Variants in LRP2 observed in about 807,000 individuals in gnomAD.
The protein encoded by LRP2 is LDL receptor related protein 2.
A neutral mutation model predicts 531.0 loss-of-function variants in LRP2; 172 were observed. The observed-to-expected ratio is 0.32, with a 90% confidence interval of 0.29 to 0.37. The LOEUF (loss-of-function observed/expected upper bound fraction) is 0.37. LRP2 is among the 10% of genes least tolerant of loss of function. The probability of loss-of-function intolerance (pLI) is 1.00; values close to 1 mark genes in which losing one functional copy is unlikely to be tolerated. For missense variants in LRP2, 5,167 were observed against 5,868.3 expected, an observed-to-expected ratio of 0.88 and a Z score of 3.90; for synonymous variants, 1,992 against 2,027.6, an observed-to-expected ratio of 0.98 and a Z score of 0.47.
rs777051223 is a variant in LRP2 at position 169,176,435 on chromosome 2, T to G, written c.10547A>C (p.Gln3516Pro). 5 of 1,614,062 alleles carry G rather than the reference T, an allele frequency of 3.1e-6. No individual in the cohort carries two copies. The highest frequency in any genetic ancestry group is 4.2e-6 in the Non-Finnish European group (5 of 1,180,032). The change falls in exon 54 of 79, where the codon CAG becomes CCG. Residue 3516 changes from glutamine (Q) to proline (P), a missense_variant. By Grantham distance (76) the Gln-to-Pro change is moderately conservative. This residue lies in a region of LRP2 where 311 missense variants were observed against 309.4 expected (regional missense o/e 1.01). Transcript: ENST00000649046. The part of the protein sequence containing the change: ...TYCMPMCSST[Q>P]FLCANNEKCI... ...CTTTTCATTGTTAGCGCACAGGAAC[T>G]GGGTGCTGGAGCACATGGGCATGCA...
chr2:169,280,527 C>G lies in LRP2; in HGVS notation c.1172-8G>C. 1 of 1,613,684 alleles carries G rather than the reference C, an allele frequency of 6.2e-7. No homozygotes were observed. On this transcript the variant is annotated splice_polypyrimidine_tract_variant and splice_region_variant and intron_variant, in intron 10 of 78. Coordinates refer to ENST00000649046, the MANE Select transcript of LRP2 (RefSeq NM_004525.3). Reference sequence around the variant, plus strand: ...TAATGGAGGCCTCGCCAACTAAATGCGAAGAAGGAAGGCATCACCACTCCT... The same window carrying G: ...TAATGGAGGCCTCGCCAACTAAATGGGAAGAAGGAAGGCATCACCACTCCT...
chr2:169,268,773 A>G (rs1005665481), intron 16 of LRP2, among the ~76,000 whole-genome samples: 1 of 152,212 alleles, frequency 6.6e-6, no homozygotes, highest in Non-Finnish European at 1.5e-5. Flanking sequence ...CAGGAGAAGG[A>G]AATAAAGGGT....
chr2:169,324,123 A>G (rs1574256978), intron 1 of LRP2, among the ~76,000 whole-genome samples: 2 of 152,220 alleles, frequency 1.3e-5, no homozygotes, highest in East Asian at 3.8e-4. Context: ...TTTAATCCTC[A>G]TAATAACCCT....
At chr2:169,243,826 TATGAAGTCC>T (rs1259757499) in intron 22 of LRP2, among the ~76,000 whole-genome samples, 1 of 145,840 alleles carries the variant, frequency 6.9e-6, no homozygotes, top group Non-Finnish European at 1.5e-5. Flanking sequence ...TCATGAATAC[TATGAAGTCC>T]ATGACTCTAG....
rs1243889616 is a variant in LRP2 at position 169,162,559 on chromosome 2, TATATTC to T, written c.11794_11799del (p.Glu3932_Tyr3933del). On this transcript the variant is annotated inframe_deletion, in exon 63 of 79. Coordinates refer to ENST00000649046, the MANE Select transcript of LRP2 (RefSeq NM_004525.3). ...GGAATGCAATGCCCATTGCCACACTTATATTCATATTCTGTACAAGGTTTAGGGGTC... is the reference window on the plus strand; with the variant it reads ...GGAATGCAATGCCCATTGCCACACTTATATTCTGTACAAGGTTTAGGGGTC... The T allele has an allele frequency of 2.5e-6, 4 of 1,614,080 alleles. No individual in the cohort carries two copies. Among genetic ancestry groups the T allele is most frequent in the Non-Finnish European group, 3.4e-6 (4 of 1,180,028 alleles).
At chr2:169,221,938 TACAA>T (rs767560534) in intron 33 of LRP2, among the ~76,000 whole-genome samples, 54 of 40,608 alleles carry the variant, frequency 1.3e-3, no homozygotes, top group South Asian at 4.9e-3. Flanking sequence ...TAGGCTTCAC[TACAA>T]AATTCAGCTA....
chr2:169,285,298 A>G (rs1683825556), intron 9 of LRP2, among the ~76,000 whole-genome samples: 1 of 152,176 alleles, frequency 6.6e-6, no homozygotes, highest in South Asian at 2.1e-4. Context: ...TATCACAAAA[A>G]AACAGGATTT....
chr2:169,226,704 G>T, intron 31 of LRP2, 116 bp from the exon 32 acceptor site: 2 of 779,744 alleles, frequency 2.6e-6, no homozygotes, highest in Non-Finnish European at 4.4e-6. Context: ...TTGCAGCATT[G>T]CAGCAATAAA....
Position 169,169,711 on chromosome 2 carries a change from C to T in LRP2, c.11488G>A (p.Ala3830Thr). ...GTGTCTAGGGACTTACGACAATCAGCTTCATCAGACGCATCCAAACAGTCA... is the reference window on the plus strand; with the variant it reads ...GTGTCTAGGGACTTACGACAATCAGTTTCATCAGACGCATCCAAACAGTCA... ...SADCLDASDEADCPTRFPDGA... is the reference protein window; with the variant it reads ...SADCLDASDETDCPTRFPDGA... Residue 3830 changes from alanine to threonine, a missense_variant, in exon 60 of 79, where the codon GCT becomes ACT. Around this residue, in one of 6 missense-constraint regions of LRP2, gnomAD observed 564 missense variants for 747.7 expected, o/e 0.75. Transcript: ENST00000649046. 3.1e-6 allele frequency: 5 copies of T among 1,613,950 alleles called. No homozygotes were observed. Among genetic ancestry groups the T allele is most frequent in the Non-Finnish European group, 4.2e-6 (5 of 1,179,804 alleles).
chr2:169,344,790 A>G (rs2105565204), intron 1 of LRP2, among the ~76,000 whole-genome samples: 1 of 152,306 alleles, frequency 6.6e-6, no homozygotes, highest in East Asian at 1.9e-4. Flanking sequence ...TCACTAAATC[A>G]TTCTTTCCAA....
chr2:169,276,471 A>G (rs1289984804), intron 13 of LRP2, among the ~76,000 whole-genome samples: 1 of 152,170 alleles, frequency 6.6e-6, no homozygotes, highest in Non-Finnish European at 1.5e-5. Flanking sequence ...GCAATTTCAC[A>G]ATTATTTTAT....
Position 169,246,967 on chromosome 2 carries a change from T to A in LRP2, c.2928A>T (p.Gln976His), listed in dbSNP as rs1442636296. The A allele has an allele frequency of 6.2e-7, 1 of 1,614,024 alleles. No homozygotes were observed. Among genetic ancestry groups the A allele is most frequent in the African/African-American group, 1.3e-5 (1 of 74,904 alleles). ...NIQTGSNACNQPTHPNGDCSH... is the reference protein window; with the variant it reads ...NIQTGSNACNHPTHPNGDCSH... ...TGCAGTCACCGTTAGGATGCGTGGG[T>A]TGATTACAGGCGTTAGAACCTGCAA... Residue 976 changes from glutamine to histidine, a missense_variant, in exon 21 of 79, where the codon CAA becomes CAT. Physicochemically the swap from Gln to His is conservative, Grantham distance 24 (BLOSUM62 0). Coordinates refer to ENST00000649046, the MANE Select transcript of LRP2 (RefSeq NM_004525.3).
At chr2:169,285,167 A>G (rs1049234608) in intron 9 of LRP2, among the ~76,000 whole-genome samples, 1 of 151,052 alleles carries the variant, frequency 6.6e-6, no homozygotes, top group African/African-American at 2.5e-5. Context: ...AAAAAAAAAA[A>G]AAAAATTAGC....
intron 1 of LRP2, among the ~76,000 whole-genome samples, chr2:169,340,096 A>G (rs947997587): frequency 3.3e-5 from 5 of 152,214 alleles, no homozygotes; most frequent in Non-Finnish European, 5.9e-5. Flanking sequence ...ATTTAGAGTA[A>G]GTTTTATCCT....
rs1689501916 is a variant in LRP2, at chr2:169,233,793, T to C, written c.4921-205A>G. 2.0e-5 allele frequency among the ~76,000 whole-genome samples: 3 copies of C among 152,226 alleles called. No homozygotes were observed. The South Asian group carries it at 6.2e-4, about 32-fold the overall frequency. On this transcript the variant is annotated intron_variant, in intron 29 of 78. Transcript: ENST00000649046. ...CTAAACCATTCAAGAGCCTTTCACATACACGTGCCATTTACTCTTTATGTT... is the reference window on the plus strand; with the variant it reads ...CTAAACCATTCAAGAGCCTTTCACACACACGTGCCATTTACTCTTTATGTT...
At chr2:169,215,692 T>C (rs147584014) in intron 35 of LRP2, among the ~76,000 whole-genome samples, 1 of 148,178 alleles carries the variant, frequency 6.7e-6, no homozygotes, top group Non-Finnish European at 1.5e-5. Flanking sequence ...AATAGATATA[T>C]ATTCTGTATT....
In LRP2 at chr2:169,247,452, C is replaced by T; in HGVS notation, c.2834G>A (p.Gly945Glu). The T allele has an allele frequency of 6.2e-7, 1 of 1,614,148 alleles. No individual in the cohort carries two copies. The highest frequency in any genetic ancestry group is 1.3e-5 in the African/African-American group (1 of 75,062). ...GCCACTTCGGATAACTGTCATTTCTCCACCATCTGCTTTCCTGACTCGAAT... is the reference window on the plus strand; with the variant it reads ...GCCACTTCGGATAACTGTCATTTCTTCACCATCTGCTTTCCTGACTCGAAT... ...AIIRVRKADG[G>E]EMTVIRSGIA... is the part of the protein sequence containing the mutation. The change falls in exon 20 of 79, where the codon GGA becomes GAA. Residue 945 changes from glycine to glutamate, a missense_variant. Physicochemically the swap from Gly to Glu is moderately conservative, Grantham distance 98. Coordinates refer to ENST00000649046, the MANE Select transcript of LRP2 (RefSeq NM_004525.3).
intron 1 of LRP2, among the ~76,000 whole-genome samples, chr2:169,326,202 C>G (rs1574259219): frequency 9.8e-6 from 1 of 101,996 alleles, no homozygotes; most frequent in Non-Finnish European, 2.0e-5. Context: ...CTCCCCTCTC[C>G]CCTCTCCCCT....
chr2:169,243,632 G>A (rs1427687630), intron 22 of LRP2, 110 bp from the exon 23 acceptor site: 7 of 1,316,104 alleles, frequency 5.3e-6, no homozygotes, highest in Middle Eastern at 1.8e-4. Context: ...TTGTACATGG[G>A]TTCAAAATTC....
Sources: allele counts gnomAD v4.1 joint callset (sites outside exome capture counted in the v4.1 genomes callset), GRCh38; gene constraint gnomAD v4.1.1; regional missense constraint gnomAD v4.1.1; transcripts MANE v1.5; gene names NCBI Gene and HGNC (gene_info 2026-07-23, HGNC 2026-07-21).